The following SFMBT2 variants were observed in gnomAD, a reference collection of about 807,000 sequenced individuals.
The protein encoded by SFMBT2 is Scm like with four mbt domains 2, also known as scm-like with four MBT domains protein 2.
In SFMBT2, 38 loss-of-function variants were observed where a neutral mutation model predicts 110.1. That is an observed-to-expected ratio of 0.35 (90% CI 0.27 to 0.45). The LOEUF (loss-of-function observed/expected upper bound fraction) is 0.45. Ranked by LOEUF, SFMBT2 falls within the 20% of genes least tolerant of loss-of-function variation. SFMBT2 has a pLI of 1.00. For missense variants in SFMBT2, 1,011 were observed against 1,094.9 expected (o/e 0.92, Z 1.08); for synonymous variants, 425 against 425.4 (o/e 1.00, Z 0.01).
At chr10:7,185,597 G>C (rs1391838878) in intron 16 of SFMBT2, among the ~76,000 whole-genome samples, 2 of 152,210 alleles carry the variant, frequency 1.3e-5, no homozygotes, top group African/African-American at 4.8e-5. Flanking sequence ...ATAAGTGACA[G>C]TGAGCTCTAA....
At chr10:7,403,188 A>C (rs530355751) in intron 1 of SFMBT2, among the ~76,000 whole-genome samples, 1 of 152,364 alleles carries the variant, frequency 6.6e-6, no homozygotes, top group African/African-American at 2.4e-5. Context: ...AAAAACAAAA[A>C]GAGAACAATC....
At chr10:7,220,791 TCA>T in intron 10 of SFMBT2, among the ~76,000 whole-genome samples, 1 of 151,506 alleles carries the variant, frequency 6.6e-6, no homozygotes, top group African/African-American at 2.4e-5. Flanking sequence ...GAGTATGAAT[TCA>T]TTCTCTTTCC....
At chr10:7,254,443 A>T (rs571995576) in intron 7 of SFMBT2, among the ~76,000 whole-genome samples, 2 of 152,220 alleles carry the variant, frequency 1.3e-5, no homozygotes, top group Non-Finnish European at 2.9e-5. Context: ...ATAAAAACCA[A>T]GTATCACTAC....
At chr10:7,323,011 A>G (rs1231075487) in intron 4 of SFMBT2, among the ~76,000 whole-genome samples, 1 of 152,222 alleles carries the variant, frequency 6.6e-6, no homozygotes, top group Non-Finnish European at 1.5e-5. Context: ...GACAACCTAA[A>G]TGTCTAACAT....
At chr10:7,235,730 A>C (rs557879249) in intron 9 of SFMBT2, among the ~76,000 whole-genome samples, 1 of 117,748 alleles carries the variant, frequency 8.5e-6, no homozygotes, top group East Asian at 7.8e-4. Flanking sequence ...TTGGAAATTT[A>C]CAGAACAACA....
chr10:7,193,415 C>T (rs1838664604), intron 15 of SFMBT2, among the ~76,000 whole-genome samples: 1 of 152,208 alleles, frequency 6.6e-6, no homozygotes. Context: ...CAAGGCTCCC[C>T]AAGTCTCTGA....
intron 20 of SFMBT2, among the ~76,000 whole-genome samples, chr10:7,168,562 C>T (rs1183701884): frequency 6.6e-6 from 1 of 152,226 alleles, no homozygotes; most frequent in African/African-American, 2.4e-5. Context: ...ACCAAACCTG[C>T]GTGATCAGCG....
rs1363394333 is a variant in SFMBT2, at chr10:7,160,462, C to T, written c.*3308G>A. ...AAACGGCGCAGACTGCAGAGTCTCC[C>T]GGGCCAGTTCCAATAAGTTCCAAGT... On this transcript the variant is annotated 3_prime_UTR_variant, in exon 21 of 21. Coordinates refer to ENST00000397167, the MANE Select transcript of SFMBT2 (RefSeq NM_001387889.1). 2.0e-5 allele frequency: 3 copies of T among 152,118 alleles called. No individual in the cohort carries two copies. Among genetic ancestry groups the T allele is most frequent in the Non-Finnish European group, 2.9e-5 (2 of 68,046 alleles). The allele number at this position is 152,118 out of a possible 1,614,324, so 9.4% of individuals were successfully genotyped here.
At chr10:7,185,475 A>G (rs1354856185) in intron 16 of SFMBT2, among the ~76,000 whole-genome samples, 2 of 152,214 alleles carry the variant, frequency 1.3e-5, no homozygotes, top group Non-Finnish European at 2.9e-5. Flanking sequence ...AATAAGTAAA[A>G]GCACACACAA....
In SFMBT2 at chr10:7,367,121, T is replaced by C. The variant is rs138126113; in HGVS notation, c.436+528A>G. ...TTTTAGGGCACAAGTGCTGTATGGT[T>C]TTCTAAAAGCTTGACACCCTGACAG... On this transcript the variant is annotated intron_variant, in intron 4 of 20. Transcript: ENST00000397167. The surrounding 1 kb of genome is among the most constrained non-coding windows in gnomAD (Gnocchi z 6.2). Among the ~76,000 whole-genome samples the C allele has an allele frequency of 3.5e-3, 531 of 152,194 alleles. 6 individuals carry two copies. The highest frequency in any genetic ancestry group is 0.012 in the African/African-American group (487 of 41,504).
intron 7 of SFMBT2, among the ~76,000 whole-genome samples, chr10:7,276,486 G>C (rs908945563): frequency 9.3e-6 from 1 of 107,866 alleles, no homozygotes; most frequent in African/African-American, 4.2e-5. Context: ...AATGGAAACT[G>C]GTTAAGAAGG....
chr10:7,184,311 T>G (rs1838332694), intron 16 of SFMBT2, among the ~76,000 whole-genome samples: 1 of 152,124 alleles, frequency 6.6e-6, no homozygotes, highest in Non-Finnish European at 1.5e-5. Context: ...TCCCCCATAC[T>G]TTTCCTGTGG....
rs1046001239 is a variant in SFMBT2 at position 7,205,900 on chromosome 10, A to G, written c.1359T>C (p.Ile453=). Residue 453 remains isoleucine (I), a synonymous_variant, in exon 12 of 21, where the codon ATT becomes ATC. Coordinates refer to ENST00000397167, the MANE Select transcript of SFMBT2 (RefSeq NM_001387889.1). ...AGATGTCCATGGATTCCACATCAAC[A>G]ATGACCTCTGGAACAGGAGTCTGCA... is the stretch of plus-strand genomic sequence containing the variant. ...EGLQTPVPEV[I]VDVESMDIFP... is the part of the protein sequence containing the mutation. The G allele has an allele frequency of 3.7e-6, 6 of 1,614,098 alleles. No individual in the cohort carries two copies. Among genetic ancestry groups the G allele is most frequent in the East Asian group, 2.2e-5 (1 of 44,878 alleles).
At chr10:7,209,634 T>C (rs1736662255) in intron 11 of SFMBT2, among the ~76,000 whole-genome samples, 2 of 152,250 alleles carry the variant, frequency 1.3e-5, no homozygotes, top group African/African-American at 4.8e-5. Flanking sequence ...ACACTGTGCA[T>C]ATATAGTATG....
Position 7,213,917 on chromosome 10 carries a change from A to G in SFMBT2, c.1330+6494T>C, listed in dbSNP as rs182506703. ...CGCTGGGCACAGATGGCTGAAGAGC[A>G]GGACTGGGGGATTCTAACCTCTACA... is the stretch of plus-strand genomic sequence containing the variant. On this transcript the variant is annotated intron_variant, in intron 11 of 20. Coordinates refer to ENST00000397167, the MANE Select transcript of SFMBT2 (RefSeq NM_001387889.1). Among the ~76,000 whole-genome samples, 58 of 152,348 alleles carry G rather than the reference A, an allele frequency of 3.8e-4. 1 individual carries two copies. Among genetic ancestry groups the G allele is most frequent in the Admixed American group, 1.6e-3 (24 of 15,302 alleles).
chr10:7,219,459 A>T (rs932149850), intron 11 of SFMBT2, among the ~76,000 whole-genome samples: 2 of 152,202 alleles, frequency 1.3e-5, no homozygotes, highest in African/African-American at 4.8e-5. Flanking sequence ...TGGACTACAT[A>T]TGTATGAGAT....
At chr10:7,179,882 G>T (rs772471920) in intron 16 of SFMBT2, among the ~76,000 whole-genome samples, 1 of 152,226 alleles carries the variant, frequency 6.6e-6, no homozygotes, top group Non-Finnish European at 1.5e-5. Context: ...CCCATCTAAA[G>T]GTATGAAGAT....
intron 4 of SFMBT2, among the ~76,000 whole-genome samples, chr10:7,356,738 C>G (rs532694902): frequency 6.6e-6 from 1 of 152,242 alleles, no homozygotes; most frequent in East Asian, 1.9e-4. Context: ...TTTTTAAATG[C>G]ATGCCACAGA....
intron 7 of SFMBT2, among the ~76,000 whole-genome samples, chr10:7,274,369 C>T (rs117803696): frequency 0.023 from 3,510 of 152,192 alleles, 63 homozygotes; most frequent in Non-Finnish European, 0.04. Flanking sequence ...GGCTGTGTCC[C>T]CACCTAAATC....
Sources: allele counts gnomAD v4.1 joint callset (sites outside exome capture counted in the v4.1 genomes callset), GRCh38; gene constraint gnomAD v4.1.1; non-coding constraint Gnocchi (gnomAD v3.1); transcripts MANE v1.5; gene names NCBI Gene and HGNC (gene_info 2026-07-23, HGNC 2026-07-21).